The following ANKRD11 variants were observed in gnomAD, a reference collection of about 807,000 sequenced individuals.
ANKRD11 encodes the protein ankyrin repeat domain-containing protein 11.
In ANKRD11, 17 loss-of-function variants were observed where a neutral mutation model predicts 195.7. That is an observed-to-expected ratio of 0.09 (90% CI 0.06 to 0.13). The LOEUF is 0.13. ANKRD11 is among the 10% of genes least tolerant of loss of function. ANKRD11 has a pLI of 1.00. For missense variants in ANKRD11, 3,735 were observed against 3,566.1 expected (o/e 1.05, Z -1.21); for synonymous variants, 1,953 against 1,528.1 (o/e 1.28, Z -6.49).
chr16:89,313,871 C>G (rs769950681), intron 3 of ANKRD11, among the ~76,000 whole-genome samples: 1 of 152,198 alleles, frequency 6.6e-6, no homozygotes, highest in Non-Finnish European at 1.5e-5. Context: ...CCCTGTAATG[C>G]GTTTAAAATT....
rs140628773 is a variant in ANKRD11 at position 89,326,380 on chromosome 16, C to T, written c.-59-9302G>A. On this transcript the variant is annotated intron_variant, in intron 2 of 12. Coordinates refer to ENST00000301030, the MANE Select transcript of ANKRD11 (RefSeq NM_013275.6). ...CTGCAGAAGGGGACGCAGCCACCGC[C>T]CCCCCCACCCCGCTGCAGAAGGTGC... Among the ~76,000 whole-genome samples the T allele has an allele frequency of 5.1e-3, 774 of 150,400 alleles. 3 individuals are homozygous for T. The highest frequency in any genetic ancestry group is 8.5e-3 in the Non-Finnish European group (575 of 67,906).
chr16:89,285,875 G>A lies in ANKRD11; in HGVS notation c.892+164C>T, dbSNP rs1057260024. Among the ~76,000 whole-genome samples the A allele has an allele frequency of 4.6e-5, 7 of 152,228 alleles. No individual in the cohort carries two copies. The highest frequency in any genetic ancestry group is 2.1e-4 in the South Asian group (1 of 4,832). On this transcript the variant is annotated intron_variant, in intron 8 of 12. Coordinates refer to ENST00000301030, the MANE Select transcript of ANKRD11 (RefSeq NM_013275.6). This position sits in a 1 kb window ranked among gnomAD's most constrained non-coding sequence, Gnocchi z 5.6. The stretch of plus-strand genomic sequence containing the variant: ...TTAGAATGAAGACTGCAGGCTTCTC[G>A]GCAGTGACACACCTGGGCGGGGTCT...
intron 2 of ANKRD11, among the ~76,000 whole-genome samples, chr16:89,336,173 C>T (rs527828421): frequency 2.0e-5 from 3 of 152,214 alleles, no homozygotes; most frequent in Non-Finnish European, 4.4e-5. Flanking sequence ...GTCCAGGATA[C>T]CTCTGGAGCT....
intron 2 of ANKRD11, among the ~76,000 whole-genome samples, chr16:89,404,886 G>A (rs1195708386): frequency 6.6e-6 from 1 of 152,210 alleles, no homozygotes; most frequent in Non-Finnish European, 1.5e-5. Flanking sequence ...ACTCTTGCTT[G>A]GTTGATGTTC....
At chr16:89,485,011 G>A (rs2057559012) in intron 1 of ANKRD11, among the ~76,000 whole-genome samples, 1 of 152,164 alleles carries the variant, frequency 6.6e-6, no homozygotes, top group Non-Finnish European at 1.5e-5. Context: ...TCTCAACCTT[G>A]ACCTCCAAGA....
At chr16:89,403,764 A>G (rs1030113125) in intron 2 of ANKRD11, 6 of 152,134 alleles carry the variant, frequency 3.9e-5, no homozygotes, top group Admixed American at 6.6e-5. Context: ...CCCACCTCTA[A>G]AAAAGTAAAA....
Position 89,428,300 on chromosome 16 carries a change from C to T in ANKRD11, c.-144-9932G>A, listed in dbSNP as rs950054622. On this transcript the variant is annotated intron_variant, in intron 1 of 12. Coordinates refer to ENST00000301030, the MANE Select transcript of ANKRD11 (RefSeq NM_013275.6). ...CAGCACTTTGGGAGGCCAAGGCGGGCAGATCAGAAGGTCAGGAGATCGAGA... is the reference window on the plus strand; with the variant it reads ...CAGCACTTTGGGAGGCCAAGGCGGGTAGATCAGAAGGTCAGGAGATCGAGA... 1.5e-4 allele frequency among the ~76,000 whole-genome samples: 23 copies of T among 151,314 alleles called. No individual in the cohort carries two copies. The East Asian group carries it at 3.0e-3, about 19-fold the overall frequency.
At chr16:89,450,766 G>T (rs1446199219) in intron 1 of ANKRD11, among the ~76,000 whole-genome samples, 1 of 152,102 alleles carries the variant, frequency 6.6e-6, no homozygotes, top group Non-Finnish European at 1.5e-5. Context: ...AAAACTGGCG[G>T]GATTACAGGC....
intron 1 of ANKRD11, among the ~76,000 whole-genome samples, chr16:89,489,804 C>T (rs1420342694): frequency 7.1e-6 from 1 of 140,494 alleles, no homozygotes; most frequent in African/African-American, 2.6e-5. Flanking sequence ...GCCCCCTGTC[C>T]GCCTCTCACG....
intron 1 of ANKRD11, among the ~76,000 whole-genome samples, chr16:89,458,126 C>T (rs958916778): frequency 1.3e-5 from 2 of 152,004 alleles, no homozygotes; most frequent in African/African-American, 4.8e-5. Flanking sequence ...CTTTCTGAAA[C>T]GGTGCTTTAG....
intron 4 of ANKRD11, among the ~76,000 whole-genome samples, chr16:89,293,807 G>A (rs900866036): frequency 2.0e-4 from 30 of 152,108 alleles, no homozygotes; most frequent in Non-Finnish European, 2.1e-4. Context: ...ACATCCCGAA[G>A]TGCAGGCGTT....
In ANKRD11 at chr16:89,381,354, A is replaced by AG. The variant is rs149983751; in HGVS notation, c.-60+36929dup. ...TGCAAAAAAAAAAAAAAAAAAAAAA[A>AG]GGGGTGAGAAGGGCAAGCAAGAGTT... On this transcript the variant is annotated intron_variant, in intron 2 of 12. Coordinates refer to ENST00000301030, the MANE Select transcript of ANKRD11 (RefSeq NM_013275.6). 5.2e-3 allele frequency among the ~76,000 whole-genome samples: 648 copies of AG among 125,134 alleles called. 21 individuals carry two copies. The highest frequency in any genetic ancestry group is 0.02 in the African/African-American group (592 of 30,214). 82.1% of individuals were successfully genotyped at this position (125,134 alleles called of 152,430 possible).
Position 89,386,275 on chromosome 16 carries a change from CT to C in ANKRD11, c.-60+32008del, listed in dbSNP as rs917553460. Among the ~76,000 whole-genome samples, 183 of 148,180 alleles carry C rather than the reference CT, an allele frequency of 1.2e-3. 4 individuals are homozygous for C. Among genetic ancestry groups the C allele is most frequent in the Admixed American group, 7.0e-3 (104 of 14,850 alleles). ...ATGACTCCATGTTAAAAATCAGTCACTTTTTTTTTTTAAAGCTTGATTATTA... is the reference window on the plus strand; with the variant it reads ...ATGACTCCATGTTAAAAATCAGTCACTTTTTTTTTTAAAGCTTGATTATTA... On this transcript the variant is annotated intron_variant, in intron 2 of 12. Transcript: ENST00000301030.
At chr16:89,315,368 G>A (rs1344915331) in intron 3 of ANKRD11, among the ~76,000 whole-genome samples, 2 of 152,300 alleles carry the variant, frequency 1.3e-5, no homozygotes, top group East Asian at 1.9e-4. Flanking sequence ...TGACTGCTTA[G>A]CCACAGAAGA....
chr16:89,357,183 A>C (rs1567695144), intron 2 of ANKRD11, among the ~76,000 whole-genome samples: 1 of 152,182 alleles, frequency 6.6e-6, no homozygotes, highest in Non-Finnish European at 1.5e-5. Flanking sequence ...GCTACAACAC[A>C]CCTTCGAAGA....
At chr16:89,445,069 G>C (rs1235837273) in intron 1 of ANKRD11, among the ~76,000 whole-genome samples, 1 of 152,174 alleles carries the variant, frequency 6.6e-6, no homozygotes, top group East Asian at 1.9e-4. Flanking sequence ...AGGTGTGCTG[G>C]CCCCTTGGGT....
chr16:89,279,746 C>G lies in ANKRD11; in HGVS notation c.6796G>C (p.Ala2266Pro), dbSNP rs1040188778. 1.3e-6 allele frequency: 2 copies of G among 1,525,594 alleles called. No homozygotes were observed. The highest frequency in any genetic ancestry group is 2.7e-5 in the African/African-American group (2 of 72,868). The allele number at this position is 1,525,594 out of a possible 1,614,324, so 94.5% of individuals were successfully genotyped here. A position where few individuals can be genotyped will look rare whatever the true frequency, so the allele number is the denominator to read the frequency against. The change falls in exon 9 of 13, where the codon GCG becomes CCG. Residue 2266 changes from alanine to proline, a missense_variant. Ala to Pro is a conservative substitution (Grantham distance 27, BLOSUM62 -1). Transcript: ENST00000301030. The surrounding 1 kb of genome is among the most constrained non-coding windows in gnomAD (Gnocchi z 5.6). ...GGGCCGTCAGGGGCACAGAGGGACG[C>G]GGCGGGGGGGCCTTCAGCCTCAGCC... is the stretch of plus-strand genomic sequence containing the variant. ...QGAEAEGPPA[A>P]SLCAPDGPAP...
intron 2 of ANKRD11, among the ~76,000 whole-genome samples, chr16:89,396,246 G>C (rs1009215414): frequency 4.6e-5 from 7 of 152,216 alleles, no homozygotes; most frequent in African/African-American, 1.4e-4. Flanking sequence ...AAAATCAAGT[G>C]GATCCACGTC....
rs201938879 is a variant in ANKRD11 at position 89,282,573 on chromosome 16, G to A, written c.3969C>T (p.Val1323=). 122 of 1,613,982 alleles carry A rather than the reference G, an allele frequency of 7.6e-5. No homozygotes were observed. Among genetic ancestry groups the A allele is most frequent in the Non-Finnish European group, 9.9e-5 (117 of 1,180,024 alleles). ...CGTCTCCAGGTGGCTCCGTGAAAGA[G>A]ACCTCCAGGAAGGCAGTCAGCCCCG... ...QEPGLTAFLE[V]SFTEPPGDDK... The change falls in exon 9 of 13, where the codon GTC becomes GTT. Residue 1323 remains valine, a synonymous_variant. Coordinates refer to ENST00000301030, the MANE Select transcript of ANKRD11 (RefSeq NM_013275.6).
Sources: allele counts gnomAD v4.1 joint callset (sites outside exome capture counted in the v4.1 genomes callset), GRCh38; gene constraint gnomAD v4.1.1; non-coding constraint Gnocchi (gnomAD v3.1); transcripts MANE v1.5; gene names NCBI Gene and HGNC (gene_info 2026-07-23, HGNC 2026-07-21).